Variants in SLC44A5 observed in about 807,000 individuals in gnomAD.
The protein encoded by SLC44A5 is solute carrier family 44 member 5, also known as choline transporter-like protein 5.
In SLC44A5, 57 loss-of-function variants were observed where a neutral mutation model predicts 101.8. The ratio of observed to expected loss-of-function variants is 0.56; its 90% CI spans 0.45 to 0.70. SLC44A5 has a LOEUF of 0.70. SLC44A5 is among the 30% of genes least tolerant of loss of function. The probability of loss-of-function intolerance (pLI) is 0.00; values close to 1 mark genes in which losing one functional copy is unlikely to be tolerated. For synonymous variants in SLC44A5, 281 were observed against 290.9 expected, an observed-to-expected ratio of 0.97 and a Z score of 0.35; for missense variants, 737 against 853.1, an observed-to-expected ratio of 0.86 and a Z score of 1.70.
At chr1:75,496,403 T>C (rs1385531413) in intron 2 of SLC44A5, among the ~76,000 whole-genome samples, 1 of 152,008 alleles carries the variant, frequency 6.6e-6, no homozygotes, top group Non-Finnish European at 1.5e-5. Flanking sequence ...GATATCCATA[T>C]GCAAAGAAAA....
At chr1:75,494,261 A>G (rs958104454) in intron 2 of SLC44A5, among the ~76,000 whole-genome samples, 2 of 152,202 alleles carry the variant, frequency 1.3e-5, no homozygotes, top group African/African-American at 2.4e-5. Flanking sequence ...TCTGATCATT[A>G]TAAATTACCC....
chr1:75,396,320 G>A lies in SLC44A5; in HGVS notation c.52+263C>T, dbSNP rs74994738. Among the ~76,000 whole-genome samples, 1,208 of 152,262 alleles carry A rather than the reference G, an allele frequency of 7.9e-3. 25 individuals are homozygous for A. Among genetic ancestry groups the A allele is most frequent in the African/African-American group, 0.027 (1,134 of 41,552 alleles). ...AAAGGAAGGAAAGAAGACAAGATGT[G>A]TCAGGTGAGCTGGGGTGATAAAGCA... On this transcript the variant is annotated intron_variant, in intron 3 of 23. Coordinates refer to ENST00000370859, the MANE Select transcript of SLC44A5 (RefSeq NM_001130058.2).
Position 75,218,602 on chromosome 1 carries a change from C to A in SLC44A5, c.1417G>T (p.Ala473Ser). The change falls in exon 17 of 24, where the codon GCA becomes TCA. Residue 473 changes from alanine (A) to serine (S), a missense_variant. Ala to Ser is a moderately conservative substitution (Grantham distance 99). Around this residue, in one of 3 missense-constraint regions of SLC44A5, gnomAD observed 665 missense variants for 764.4 expected, o/e 0.87. Coordinates refer to ENST00000370859, the MANE Select transcript of SLC44A5 (RefSeq NM_001130058.2). ...CCAGCAAGGGCGCACTGACCTAATG[C>A]AATGACGAAGTTTATAAGCCAGAGA... ...VFLWLINFVI[A>S]LGQCALAGAF... 6.2e-7 allele frequency: 1 copy of A among 1,613,816 alleles called. No individual in the cohort carries two copies.
chr1:75,247,452 G>T (rs755976963), intron 7 of SLC44A5, among the ~76,000 whole-genome samples: 34 of 152,058 alleles, frequency 2.2e-4, no homozygotes, highest in Non-Finnish European at 4.1e-4. Context: ...TGGATAGAAA[G>T]GTCTGGAACT....
chr1:75,429,594 A>G (rs1471839735), intron 2 of SLC44A5, among the ~76,000 whole-genome samples: 2 of 152,224 alleles, frequency 1.3e-5, no homozygotes, highest in Non-Finnish European at 2.9e-5. Flanking sequence ...ATTTTGGCTC[A>G]CAGCTCTGCA....
At chr1:75,228,123 G>A (rs1346609846) in intron 12 of SLC44A5, among the ~76,000 whole-genome samples, 2 of 152,080 alleles carry the variant, frequency 1.3e-5, no homozygotes, top group Admixed American at 6.5e-5. Context: ...TGACCTTAAT[G>A]TCCATCAGTA....
chr1:75,488,879 G>A (rs760701868), intron 2 of SLC44A5, among the ~76,000 whole-genome samples: 24 of 152,100 alleles, frequency 1.6e-4, no homozygotes, highest in African/African-American at 5.1e-4. Flanking sequence ...ACTGAGTTTC[G>A]ATCTTGTTGC....
intron 3 of SLC44A5, among the ~76,000 whole-genome samples, chr1:75,384,767 C>T (rs1396161399): frequency 2.8e-5 from 4 of 141,192 alleles, no homozygotes; most frequent in African/African-American, 5.3e-5. Flanking sequence ...TTTTTCAGCA[C>T]CACACCACAC....
At chr1:75,675,389 T>A in the SLC44A5 span, among the ~76,000 whole-genome samples, 3 of 152,182 alleles carry the variant, frequency 2.0e-5, no homozygotes, top group Middle Eastern at 3.4e-3. Flanking sequence ...AGTGGGAGTT[T>A]TTTTCACGAT....
At chr1:75,444,128 C>T (rs1189359654) in intron 2 of SLC44A5, among the ~76,000 whole-genome samples, 1 of 151,110 alleles carries the variant, frequency 6.6e-6, no homozygotes, top group Non-Finnish European at 1.5e-5. Context: ...ACCAGCCTGG[C>T]CAACATGGTG....
At chr1:75,396,888 C>T (rs896884879) in intron 2 of SLC44A5, among the ~76,000 whole-genome samples, 2 of 152,070 alleles carry the variant, frequency 1.3e-5, no homozygotes, top group African/African-American at 4.8e-5. Context: ...GTTAATTCTT[C>T]CATTTGCATC....
At chr1:75,589,915 G>C (rs1674249267) in intron 1 of SLC44A5, among the ~76,000 whole-genome samples, 1 of 152,130 alleles carries the variant, frequency 6.6e-6, no homozygotes, top group Admixed American at 6.5e-5. Flanking sequence ...CTGAACTTGA[G>C]TGCCTGGAAA....
chr1:75,330,678 C>T (rs2100998862), intron 4 of SLC44A5, among the ~76,000 whole-genome samples: 1 of 152,160 alleles, frequency 6.6e-6, no homozygotes, highest in East Asian at 1.9e-4. Flanking sequence ...GCCCCAGATT[C>T]CTCTCATCCT....
intron 2 of SLC44A5, among the ~76,000 whole-genome samples, chr1:75,400,624 C>G (rs1164326215): frequency 6.6e-6 from 1 of 152,132 alleles, no homozygotes; most frequent in Non-Finnish European, 1.5e-5. Flanking sequence ...TTTCCCTCAC[C>G]CCCTGTGTTG....
chr1:75,357,049 A>C, intron 3 of SLC44A5: 1 of 386,016 alleles, frequency 2.6e-6, no homozygotes, highest in Non-Finnish European at 5.2e-6. Flanking sequence ...TAAGTGGCAC[A>C]TCGTTGCATT....
At chr1:75,499,392 T>C (rs940414186) in intron 2 of SLC44A5, among the ~76,000 whole-genome samples, 2 of 152,162 alleles carry the variant, frequency 1.3e-5, no homozygotes, top group Admixed American at 6.5e-5. Context: ...CCACCTCTGA[T>C]CTTGACAGGA....
At chr1:75,406,478 C>G (rs1244325584) in intron 2 of SLC44A5, among the ~76,000 whole-genome samples, 1 of 152,158 alleles carries the variant, frequency 6.6e-6, no homozygotes, top group East Asian at 1.9e-4. Flanking sequence ...TACTGGCAAA[C>G]CAAATCCGGC....
chr1:75,656,072 G>C, the SLC44A5 span, among the ~76,000 whole-genome samples: 1 of 152,156 alleles, frequency 6.6e-6, no homozygotes, highest in Non-Finnish European at 1.5e-5. Flanking sequence ...CTGCTCAGTG[G>C]AAATTTTATA....
intron 7 of SLC44A5, among the ~76,000 whole-genome samples, chr1:75,245,931 A>G (rs1649066303): frequency 6.6e-6 from 1 of 152,136 alleles, no homozygotes; most frequent in Non-Finnish European, 1.5e-5. Flanking sequence ...TCTGTCCTTT[A>G]AGTGCTTGTG....
Sources: gnomAD v4.1 joint callset for allele counts (sites outside exome capture counted in the v4.1 genomes callset) on GRCh38, gnomAD v4.1.1 for gene constraint, gnomAD v4.1.1 regional missense constraint, MANE v1.5 for transcripts, NCBI Gene and HGNC (gene_info 2026-07-23, HGNC 2026-07-21) for gene names.